The following PDE1A variants were observed in gnomAD, a reference collection of about 807,000 sequenced individuals.
PDE1A encodes the protein phosphodiesterase 1A.
In PDE1A, 35 loss-of-function variants were observed where a neutral mutation model predicts 61.7. That is an observed-to-expected ratio of 0.57 (90% CI 0.43 to 0.75). The LOEUF (loss-of-function observed/expected upper bound fraction) is 0.75, where lower values mean the gene tolerates loss of function less well. PDE1A is among the 30% of genes least tolerant of loss of function. The probability of loss-of-function intolerance (pLI) is 0.00; values close to 1 mark genes in which losing one functional copy is unlikely to be tolerated. For synonymous variants in PDE1A, 232 were observed against 213.2 expected, an observed-to-expected ratio of 1.09 and a Z score of -0.77; for missense variants, 597 against 630.6, an observed-to-expected ratio of 0.95 and a Z score of 0.57.
the PDE1A span, among the ~76,000 whole-genome samples, chr2:182,561,910 TC>T: frequency 1.3e-5 from 2 of 152,148 alleles, no homozygotes; most frequent in South Asian, 2.1e-4. Context: ...TGATTTTGTA[TC>T]CTGAGACTTT....
Position 182,420,460 on chromosome 2 carries a change from T to C in PDE1A, c.53+6118A>G, listed in dbSNP as rs138135436. 5.6e-4 allele frequency among the ~76,000 whole-genome samples: 86 copies of C among 152,272 alleles called. No individual in the cohort carries two copies. The East Asian group carries it at 8.3e-3, about 15-fold the overall frequency. On this transcript the variant is annotated intron_variant, in intron 1 of 13. Transcript: ENST00000351439. ...ACAGCCCTACTGTTTTTCATTACCATTGGTTTCTAATCAATTTGTTCCAGG... is the reference window on the plus strand; with the variant it reads ...ACAGCCCTACTGTTTTTCATTACCACTGGTTTCTAATCAATTTGTTCCAGG...
At chr2:182,421,123 G>A (rs1412402791) in intron 1 of PDE1A, among the ~76,000 whole-genome samples, 1 of 152,090 alleles carries the variant, frequency 6.6e-6, no homozygotes, top group Non-Finnish European at 1.5e-5. Flanking sequence ...AACACTATGT[G>A]AAGTAGTCTG....
At chr2:182,438,332 C>T (rs1300043923) in intron 2 of PDE1A, among the ~76,000 whole-genome samples, 7 of 152,058 alleles carry the variant, frequency 4.6e-5, no homozygotes, top group South Asian at 2.1e-4. Context: ...AAACTGGCTG[C>T]GTTCAGCTTA....
chr2:182,317,252 C>CTT (rs34087191), intron 1 of PDE1A, among the ~76,000 whole-genome samples: 25 of 142,714 alleles, frequency 1.8e-4, no homozygotes, highest in African/African-American at 5.9e-4. Flanking sequence ...TTCTCACAAA[C>CTT]TTTTTTTTTT....
At chr2:182,377,634 T>C (rs974962945) in intron 1 of PDE1A, among the ~76,000 whole-genome samples, 6 of 152,190 alleles carry the variant, frequency 3.9e-5, no homozygotes, top group African/African-American at 1.4e-4. Flanking sequence ...CAGTTTTTCA[T>C]AAAGCTAATT....
chr2:182,564,480 C>A, the PDE1A span, among the ~76,000 whole-genome samples: 2 of 152,114 alleles, frequency 1.3e-5, no homozygotes, highest in Admixed American at 6.5e-5. Context: ...CTCTGGCTGC[C>A]CTTAACATTT....
At chr2:182,607,046 G>T in the PDE1A span, among the ~76,000 whole-genome samples, 2 of 151,720 alleles carry the variant, frequency 1.3e-5, no homozygotes, top group Non-Finnish European at 2.9e-5. Flanking sequence ...AATGTAACGT[G>T]GGGGGAAAAA....
chr2:182,658,240 C>G, the PDE1A span, among the ~76,000 whole-genome samples: 18 of 152,126 alleles, frequency 1.2e-4, no homozygotes, highest in Admixed American at 2.6e-4. Flanking sequence ...TTTGAAGGCT[C>G]TACATATGAA....
intron 6 of PDE1A, among the ~76,000 whole-genome samples, chr2:182,226,869 C>T (rs1254098966): frequency 6.6e-6 from 1 of 151,712 alleles, no homozygotes; most frequent in Admixed American, 6.6e-5. Context: ...GTATTGACTG[C>T]TATTAATAAC....
intron 1 of PDE1A, among the ~76,000 whole-genome samples, chr2:182,296,251 A>G (rs777352573): frequency 3.6e-4 from 55 of 152,210 alleles, no homozygotes; most frequent in Non-Finnish European, 6.9e-4. Flanking sequence ...CTGTGCCCCA[A>G]TGCCGTGCTG....
chr2:182,209,363 T>A (rs903980494), intron 7 of PDE1A, among the ~76,000 whole-genome samples: 2 of 151,804 alleles, frequency 1.3e-5, no homozygotes, highest in African/African-American at 4.8e-5. Flanking sequence ...GATTCAATTA[T>A]CTCCCACTGG....
At chr2:182,297,121 C>G (rs373883790) in intron 1 of PDE1A, among the ~76,000 whole-genome samples, 47 of 152,272 alleles carry the variant, frequency 3.1e-4, no homozygotes, top group African/African-American at 7.9e-4. Context: ...CCTCTTGGTT[C>G]TGTTCTTTGG....
intron 2 of PDE1A, among the ~76,000 whole-genome samples, chr2:182,474,142 T>G (rs1248847032): frequency 6.6e-6 from 1 of 151,864 alleles, no homozygotes; most frequent in African/African-American, 2.4e-5. Flanking sequence ...ATATAAACAT[T>G]TTTTGGTGTG....
intron 2 of PDE1A, among the ~76,000 whole-genome samples, chr2:182,443,700 C>CA (rs1424912716): frequency 7.4e-6 from 1 of 134,288 alleles, no homozygotes; most frequent in Admixed American, 7.5e-5. Flanking sequence ...TTCTTTTTTC[C>CA]TTTTTTTTTT....
the PDE1A span, among the ~76,000 whole-genome samples, chr2:182,582,586 G>A: frequency 2.0e-5 from 3 of 152,162 alleles, no homozygotes; most frequent in Admixed American, 2.0e-4. Flanking sequence ...AAAAGAGATG[G>A]GAGAGTGCCA....
chr2:182,695,778 CA>C, the PDE1A span, among the ~76,000 whole-genome samples: 1 of 151,730 alleles, frequency 6.6e-6, no homozygotes, highest in Admixed American at 6.6e-5. Flanking sequence ...GGACTGTTAC[CA>C]AAATATACAA....
chr2:182,318,323 C>A (rs942040892), intron 1 of PDE1A, among the ~76,000 whole-genome samples: 5 of 152,112 alleles, frequency 3.3e-5, no homozygotes, highest in African/African-American at 4.8e-5. Flanking sequence ...TCAACCTACA[C>A]ACACCCTCTG....
chr2:182,392,262 G>T (rs889093558), intron 1 of PDE1A, among the ~76,000 whole-genome samples: 1 of 152,152 alleles, frequency 6.6e-6, no homozygotes, highest in Admixed American at 6.5e-5. Context: ...CTCTTACATG[G>T]TGCCAGGCAA....
At chr2:182,459,534 T>A (rs1686139342) in intron 2 of PDE1A, among the ~76,000 whole-genome samples, 1 of 152,168 alleles carries the variant, frequency 6.6e-6, no homozygotes, top group South Asian at 2.1e-4. Context: ...AAAAGGATAC[T>A]GGGTGGTTGC....
Sources: allele counts gnomAD v4.1 joint callset (sites outside exome capture counted in the v4.1 genomes callset), GRCh38; gene constraint gnomAD v4.1.1; transcripts MANE v1.5; gene names NCBI Gene and HGNC (gene_info 2026-07-23, HGNC 2026-07-21).